The following MED13 variants were observed in gnomAD, a reference collection of about 807,000 sequenced individuals.
The protein encoded by MED13 is mediator of RNA polymerase II transcription subunit 13.
Under a neutral mutation model 225.2 loss-of-function variants are expected in MED13, and 23 were observed. The observed-to-expected ratio is 0.10, with a 90% CI of 0.07 to 0.14. The LOEUF is 0.14. MED13 is among the 10% of genes least tolerant of loss of function. MED13 has a pLI of 1.00. For missense variants in MED13, 2,197 were observed against 2,594.5 expected, an observed-to-expected ratio of 0.85 and a Z score of 3.33; for synonymous variants, 942 against 889.2, an observed-to-expected ratio of 1.06 and a Z score of -1.06.
At chr17:62,040,965 C>T (rs1040406385) in intron 3 of MED13, among the ~76,000 whole-genome samples, 1 of 152,152 alleles carries the variant, frequency 6.6e-6, no homozygotes, top group Non-Finnish European at 1.5e-5. Flanking sequence ...CCATGGAAAG[C>T]AGTATGGAAA....
intron 17 of MED13, among the ~76,000 whole-genome samples, chr17:61,971,137 C>A (rs961569179): frequency 2.6e-5 from 4 of 151,992 alleles, no homozygotes; most frequent in Non-Finnish European, 4.4e-5. Context: ...TTCATAAACA[C>A]TGCACTGGTA....
rs1171954564 is a variant in MED13, at chr17:61,942,865, G to C, written c.*3603C>G. 6.6e-6 allele frequency: 1 copy of C among 152,280 alleles called. No individual in the cohort carries two copies. The highest frequency in any genetic ancestry group is 1.9e-4 in the East Asian group (1 of 5,200). 9.4% of individuals were successfully genotyped at this position (152,280 alleles called of 1,614,324 possible). A position where few individuals can be genotyped will look rare whatever the true frequency, so the allele number is the denominator to read the frequency against. On this transcript the variant is annotated 3_prime_UTR_variant, in exon 30 of 30. Coordinates refer to ENST00000397786, the MANE Select transcript of MED13 (RefSeq NM_005121.3). ...TAAAGTGACCAAGCTATTTTGAGAG[G>C]GTTGATGCTGACATGTCCAGTAATG...
chr17:62,063,239 A>G lies in MED13; in HGVS notation c.129T>C (p.Ile43=). 6.2e-7 allele frequency: 1 copy of G among 1,614,176 alleles called. No individual in the cohort carries two copies. Among genetic ancestry groups the G allele is most frequent in the Non-Finnish European group, 8.5e-7 (1 of 1,180,020 alleles). Reference sequence around the variant, plus strand: ...GGTCTTCTTCTGTCACAGGAAACAGAATAGGGGCAGAAGTTGGGCCTTGCC... The same window carrying G: ...GGTCTTCTTCTGTCACAGGAAACAGGATAGGGGCAGAAGTTGGGCCTTGCC... The part of the protein sequence containing the change: ...YVWQGPTSAP[I]LFPVTEEDPI... The change falls in exon 2 of 30, where the codon ATT becomes ATC. Residue 43 remains isoleucine, a synonymous_variant. Transcript: ENST00000397786.
At chr17:62,040,269 G>A (rs1428948895) in intron 3 of MED13, among the ~76,000 whole-genome samples, 3 of 152,012 alleles carry the variant, frequency 2.0e-5, no homozygotes, top group Non-Finnish European at 2.9e-5. Context: ...ATAACAATTC[G>A]AAGTATTATT....
At chr17:62,057,096 T>C (rs1210649670) in intron 2 of MED13, among the ~76,000 whole-genome samples, 1 of 152,078 alleles carries the variant, frequency 6.6e-6, no homozygotes, top group Non-Finnish European at 1.5e-5. Context: ...TCTTTAAATA[T>C]CTCCACGGTG....
chr17:62,055,030 G>A lies in MED13; in HGVS notation c.302-2325C>T, dbSNP rs536827301. ...ACTAGAAAATGACTTTGTCTCCTTCGCAAAAATAGTAAATAAAAAAATCTG... is the reference window on the plus strand; with the variant it reads ...ACTAGAAAATGACTTTGTCTCCTTCACAAAAATAGTAAATAAAAAAATCTG... On this transcript the variant is annotated intron_variant, in intron 2 of 29. Transcript: ENST00000397786. Among the ~76,000 whole-genome samples, 3 of 152,148 alleles carry A rather than the reference G, an allele frequency of 2.0e-5. No individual in the cohort carries two copies. In the East Asian group the frequency reaches 5.8e-4, roughly 29 times the overall value.
chr17:62,032,016 A>C (rs987401966), intron 5 of MED13, among the ~76,000 whole-genome samples: 1 of 152,094 alleles, frequency 6.6e-6, no homozygotes, highest in Admixed American at 6.5e-5. Context: ...TCTGGACACT[A>C]GAATTATGAA....
At chr17:62,016,231 T>C (rs2080579741) in intron 8 of MED13, among the ~76,000 whole-genome samples, 1 of 150,388 alleles carries the variant, frequency 6.6e-6, no homozygotes, top group Non-Finnish European at 1.5e-5. Context: ...CCCTTCTCTT[T>C]TTTTTTCCTC....
At chr17:62,023,762 T>C (rs1225342483) in intron 8 of MED13, among the ~76,000 whole-genome samples, 1 of 152,180 alleles carries the variant, frequency 6.6e-6, no homozygotes, top group Admixed American at 6.5e-5. Context: ...CTATATATTC[T>C]ATGGCAAAGA....
chr17:61,980,737 C>G (rs958423906), intron 16 of MED13, among the ~76,000 whole-genome samples: 1 of 152,048 alleles, frequency 6.6e-6, no homozygotes, highest in Non-Finnish European at 1.5e-5. Context: ...TTCCAAACCC[C>G]AACGCTATTT....
At chr17:61,949,959 A>C (rs2079883136) in intron 28 of MED13, among the ~76,000 whole-genome samples, 1 of 152,220 alleles carries the variant, frequency 6.6e-6, no homozygotes, top group South Asian at 2.1e-4. Flanking sequence ...CTGGGATTAC[A>C]GGCATGAGCC....
chr17:61,955,526 G>A lies in MED13; in HGVS notation c.5824C>T (p.Leu1942=). ...TGSVFGRSTT[L]NMQTSQLNTP... is the part of the protein sequence containing the mutation. The stretch of plus-strand genomic sequence containing the variant: ...TTTAGCTGAGATGTCTGCATATTTA[G>A]AGTCGTGCTTCTTCCAAATACAGAA... Residue 1942 remains leucine, a synonymous_variant, in exon 26 of 30, where the codon CTA becomes TTA. Coordinates refer to ENST00000397786, the MANE Select transcript of MED13 (RefSeq NM_005121.3). The A allele has an allele frequency of 1.9e-6, 3 of 1,582,446 alleles. No individual in the cohort carries two copies. The South Asian group carries it at 3.5e-5, about 19-fold the overall frequency.
rs1391911523 is a variant in MED13, at chr17:61,982,985, G to C, written c.3018C>G (p.Thr1006=). ...GAGTCCTTGGAGTTGGAAACCGAGGGGTGGATGGAGAAGGAAGAATTCCTG... is the reference window on the plus strand; with the variant it reads ...GAGTCCTTGGAGTTGGAAACCGAGGCGTGGATGGAGAAGGAAGAATTCCTG... ...SGAGILPSPS[T]PRFPTPRTPR... is the part of the protein sequence containing the mutation. The change falls in exon 16 of 30, where the codon ACC becomes ACG. Residue 1006 remains threonine (T), a synonymous_variant. Coordinates refer to ENST00000397786, the MANE Select transcript of MED13 (RefSeq NM_005121.3). 1 of 1,614,078 alleles carries C rather than the reference G, an allele frequency of 6.2e-7. No homozygotes were observed. The highest frequency in any genetic ancestry group is 8.5e-7 in the Non-Finnish European group (1 of 1,179,998).
chr17:62,027,021 T>C (rs1245910123), intron 8 of MED13, among the ~76,000 whole-genome samples: 2 of 152,182 alleles, frequency 1.3e-5, no homozygotes, highest in Non-Finnish European at 2.9e-5. Flanking sequence ...CCCAAAGCAA[T>C]TTGGATTCAA....
At position 61,982,188 on chromosome 17, in the gene MED13, C is replaced by A; in HGVS notation, c.3805+10G>T. ...AGCAAACAAAAAAGTATTTTATTGG[C>A]ATACTTTACCGTTTCTTTTGGACCA... On this transcript the variant is annotated intron_variant, in intron 16 of 29. Coordinates refer to ENST00000397786, the MANE Select transcript of MED13 (RefSeq NM_005121.3). 6.3e-7 allele frequency: 1 copy of A among 1,583,354 alleles called. No homozygotes were observed. Among genetic ancestry groups the A allele is most frequent in the Non-Finnish European group, 8.6e-7 (1 of 1,166,004 alleles).
In MED13 at chr17:61,964,915, A is replaced by T. The variant is rs554664444; in HGVS notation, c.4844+91T>A. On this transcript the variant is annotated intron_variant, in intron 20 of 29. Transcript: ENST00000397786. ...CCCACCACTGCAGTACAGCCTGCGC[A>T]AAAGAGTGAGACTGTGTCTCAAGAA... 144 of 1,265,186 alleles carry T rather than the reference A, an allele frequency of 1.1e-4. No individual in the cohort carries two copies. In the African/African-American group the frequency reaches 1.8e-3, roughly 16 times the overall value. The allele number at this position is 1,265,186 out of a possible 1,614,324, so 78.4% of individuals were successfully genotyped here. A position where few individuals can be genotyped will look rare whatever the true frequency, so the allele number is the denominator to read the frequency against.
rs202093070 is a variant in MED13, at chr17:62,020,231, C to CTT, written c.1284-9000_1284-8999dup. 3.6e-3 allele frequency among the ~76,000 whole-genome samples: 520 copies of CTT among 146,458 alleles called. 3 individuals carry two copies. Among genetic ancestry groups the CTT allele is most frequent in the African/African-American group, 0.012 (492 of 39,944 alleles). On this transcript the variant is annotated intron_variant, in intron 8 of 29. Coordinates refer to ENST00000397786, the MANE Select transcript of MED13 (RefSeq NM_005121.3). ...TATTGCTTTTTACTTAGCAGCCTTTCTTTTTTTTTTTATGAAGATTAAAGA... is the reference window on the plus strand; with the variant it reads ...TATTGCTTTTTACTTAGCAGCCTTTCTTTTTTTTTTTTTATGAAGATTAAAGA...
Position 62,064,487 on chromosome 17 carries a change from C to T in MED13, c.66+653G>A, listed in dbSNP as rs2081065387. On this transcript the variant is annotated intron_variant, in intron 1 of 29. Transcript: ENST00000397786. Reference sequence around the variant, plus strand: ...CAGCACCTCGTCCACTAGCCCCCTTCACTCTCACAAAAACATCATGTTCTA... The same window carrying T: ...CAGCACCTCGTCCACTAGCCCCCTTTACTCTCACAAAAACATCATGTTCTA... Among the ~76,000 whole-genome samples the T allele has an allele frequency of 3.3e-5, 5 of 152,312 alleles. No individual in the cohort carries two copies. In the South Asian group the frequency reaches 1.0e-3, roughly 32 times the overall value.
intron 22 of MED13, 72 bp from the exon 23 acceptor site, chr17:61,961,162 C>G: frequency 8.3e-7 from 1 of 1,208,720 alleles, no homozygotes; most frequent in Non-Finnish European, 1.2e-6. Context: ...AAATGTAATT[C>G]TTATCTACCC....
Sources: gnomAD v4.1 joint callset for allele counts (sites outside exome capture counted in the v4.1 genomes callset) on GRCh38, gnomAD v4.1.1 for gene constraint, MANE v1.5 for transcripts, NCBI Gene and HGNC (gene_info 2026-07-23, HGNC 2026-07-21) for gene names.